The following ETF1 variants were observed in gnomAD, a reference collection of about 807,000 sequenced individuals.
The protein encoded by ETF1 is eukaryotic peptide chain release factor subunit 1.
In ETF1, 4 loss-of-function variants were observed where a neutral mutation model predicts 55.1. The observed-to-expected ratio is 0.07, with a 90% CI of 0.04 to 0.17. ETF1 has a LOEUF of 0.17. Ranked by LOEUF, ETF1 falls within the 10% of genes least tolerant of loss-of-function variation. ETF1 has a pLI of 1.00. For synonymous variants in ETF1, 157 were observed against 182.3 expected, an observed-to-expected ratio of 0.86 and a Z score of 1.12; for missense variants, 142 against 523.6, an observed-to-expected ratio of 0.27 and a Z score of 7.11.
At chr5:138,537,623 T>C (rs1765992455) in intron 2 of ETF1, among the ~76,000 whole-genome samples, 1 of 152,152 alleles carries the variant, frequency 6.6e-6, no homozygotes, top group Admixed American at 6.5e-5. Flanking sequence ...AATCTTGCTC[T>C]GTCGCCCAGG....
At chr5:138,542,702 T>C (rs1054756100) in intron 2 of ETF1, 131 bp downstream of exon 2, 36 of 1,505,460 alleles carry the variant, frequency 2.4e-5, no homozygotes, top group Non-Finnish European at 2.8e-5. Context: ...CAGGGGCTAC[T>C]ACCCAGAGAT....
intron 6 of ETF1, chr5:138,512,004 GC>G: frequency 2.2e-6 from 1 of 455,254 alleles, no homozygotes; most frequent in Non-Finnish European, 2.9e-6. Context: ...TCTGAGACCA[GC>G]CTAGGCAACA....
intron 2 of ETF1, among the ~76,000 whole-genome samples, chr5:138,523,665 G>A (rs929085670): frequency 2.6e-5 from 4 of 152,190 alleles, no homozygotes; most frequent in African/African-American, 4.8e-5. Context: ...GATTGTTAAA[G>A]GGTACAGGGA....
At chr5:138,539,974 T>C (rs970661161) in intron 2 of ETF1, among the ~76,000 whole-genome samples, 11 of 152,222 alleles carry the variant, frequency 7.2e-5, no homozygotes, top group African/African-American at 2.4e-4. Context: ...AATAATGTAC[T>C]GTAGCACAGT....
At chr5:138,528,212 C>A (rs986328368) in intron 2 of ETF1, among the ~76,000 whole-genome samples, 3 of 152,288 alleles carry the variant, frequency 2.0e-5, no homozygotes, top group African/African-American at 4.8e-5. Flanking sequence ...TGAGGAAGAA[C>A]AGGCAACAAA....
In ETF1 at chr5:138,508,116, T is replaced by C. The variant is rs561801810; in HGVS notation, c.*189A>G. On this transcript the variant is annotated 3_prime_UTR_variant, in exon 11 of 11. Transcript: ENST00000360541. Reference sequence around the variant, plus strand: ...GTTGTAGGCTGCTGCGCTGACACCATGACAAACCAAAGTGTAGGGCTGGGT... The same window carrying C: ...GTTGTAGGCTGCTGCGCTGACACCACGACAAACCAAAGTGTAGGGCTGGGT... 2.3e-4 allele frequency: 155 copies of C among 667,618 alleles called. 1 individual carries two copies. The South Asian group carries it at 3.7e-3, about 16-fold the overall frequency. The allele number at this position is 667,618 out of a possible 1,614,324, so 41.4% of individuals were successfully genotyped here. A position where few individuals can be genotyped will look rare whatever the true frequency, so the allele number is the denominator to read the frequency against.
chr5:138,510,929 A>G, intron 8 of ETF1, 116 bp downstream of exon 8: 1 of 1,502,982 alleles, frequency 6.7e-7, no homozygotes, highest in East Asian at 2.3e-5. Context: ...AGGACTGGGG[A>G]ACAATGGGTA....
intron 7 of ETF1, 81 bp from the exon 8 acceptor site, chr5:138,511,281 AAAG>A: frequency 1.9e-6 from 3 of 1,553,794 alleles, no homozygotes; most frequent in Admixed American, 2.1e-5. Context: ...CCTAATGACT[AAAG>A]AAGATAAAAA....
chr5:138,509,196 A>C (rs1764667728), intron 9 of ETF1: 2 of 985,258 alleles, frequency 2.0e-6, no homozygotes, highest in Non-Finnish European at 2.4e-6. Context: ...CCTCGTAGAG[A>C]ACAAAGCTCT....
In ETF1 at chr5:138,518,885, ACT is replaced by A; in HGVS notation, c.87-20_87-19del. ...TGCCATTGCTGTGGAAGAAAGAATA[ACT>A]CATTAGGGATTTAAATATCATGTAA... is the stretch of plus-strand genomic sequence containing the variant. On this transcript the variant is annotated intron_variant, in intron 2 of 10. Transcript: ENST00000360541. 1 of 1,610,840 alleles carries A rather than the reference ACT, an allele frequency of 6.2e-7. No homozygotes were observed. The highest frequency in any genetic ancestry group is 2.2e-5 in the East Asian group (1 of 44,756).
At chr5:138,537,641 G>T (rs759270150) in intron 2 of ETF1, among the ~76,000 whole-genome samples, 3 of 152,034 alleles carry the variant, frequency 2.0e-5, no homozygotes, top group Non-Finnish European at 2.9e-5. Flanking sequence ...AGGCTGGAGT[G>T]CAGTGGCGCA....
intron 2 of ETF1, among the ~76,000 whole-genome samples, chr5:138,531,862 G>C (rs1161388092): frequency 6.6e-6 from 1 of 152,062 alleles, no homozygotes; most frequent in African/African-American, 2.4e-5. Flanking sequence ...CTGGCTAACA[G>C]GGTGAAACCC....
At chr5:138,511,673 C>T in intron 6 of ETF1, 69 bp from the exon 7 acceptor site, 6 of 1,490,670 alleles carry the variant, frequency 4.0e-6, no homozygotes, top group Non-Finnish European at 5.4e-6. Context: ...AACACCTTTA[C>T]TCAAACCCAC....
At chr5:138,542,657 T>C in intron 2 of ETF1, 176 bp downstream of exon 2, 1 of 1,433,758 alleles carries the variant, frequency 7.0e-7, no homozygotes, top group Non-Finnish European at 9.1e-7. Context: ...AAGGACCCCT[T>C]CTCGGGCCAA....
At chr5:138,540,623 A>G (rs1766133409) in intron 2 of ETF1, among the ~76,000 whole-genome samples, 1 of 152,232 alleles carries the variant, frequency 6.6e-6, no homozygotes, top group African/African-American at 2.4e-5. Flanking sequence ...AGATGCAACC[A>G]AATCCTGATT....
At chr5:138,526,257 T>A (rs1292517570) in intron 2 of ETF1, among the ~76,000 whole-genome samples, 1 of 152,180 alleles carries the variant, frequency 6.6e-6, no homozygotes, top group African/African-American at 2.4e-5. Context: ...TAAATGGGCT[T>A]ACGTGTTAAG....
intron 2 of ETF1, among the ~76,000 whole-genome samples, chr5:138,531,104 T>C (rs1186651148): frequency 6.6e-6 from 1 of 152,190 alleles, no homozygotes; most frequent in Admixed American, 6.5e-5. Context: ...TATTGAAAGG[T>C]GGGGCATATG....
At chr5:138,521,621 G>A (rs1386112829) in intron 2 of ETF1, among the ~76,000 whole-genome samples, 1 of 152,136 alleles carries the variant, frequency 6.6e-6, no homozygotes, top group Non-Finnish European at 1.5e-5. Flanking sequence ...CAGCCTCCTA[G>A]GTTCAAGCGA....
At chr5:138,536,505 G>C (rs754617781) in intron 2 of ETF1, among the ~76,000 whole-genome samples, 3 of 152,080 alleles carry the variant, frequency 2.0e-5, no homozygotes, top group Non-Finnish European at 4.4e-5. Context: ...CTAACCTGCC[G>C]GGGAAAAAAA....
Sources: gnomAD v4.1 joint callset for allele counts (sites outside exome capture counted in the v4.1 genomes callset) on GRCh38, gnomAD v4.1.1 for gene constraint, MANE v1.5 for transcripts, NCBI Gene and HGNC (gene_info 2026-07-23, HGNC 2026-07-21) for gene names.